COL19A1: variants seen among roughly 807,000 people sequenced by gnomAD.
The protein encoded by COL19A1 is collagen type XIX alpha 1 chain.
Under a neutral mutation model 190.2 loss-of-function variants are expected in COL19A1, and 159 were observed. That is an observed-to-expected ratio of 0.84 (90% CI 0.73 to 0.95). The LOEUF is 0.95. COL19A1 is among the 40% of genes least tolerant of loss of function. The pLI, the probability that COL19A1 is intolerant of heterozygous loss-of-function variation, is 0.00. For missense variants in COL19A1, 1,418 were observed against 1,431.9 expected, an observed-to-expected ratio of 0.99 and a Z score of 0.16; for synonymous variants, 509 against 458.9, an observed-to-expected ratio of 1.11 and a Z score of -1.39.
At chr6:70,127,986 A>G (rs1785303905) in intron 17 of COL19A1, among the ~76,000 whole-genome samples, 1 of 152,202 alleles carries the variant, frequency 6.6e-6, no homozygotes. Context: ...TTCCTGCTCA[A>G]TTTAACAAGA....
chr6:69,933,452 A>T (rs1174455753), intron 7 of COL19A1, among the ~76,000 whole-genome samples: 2 of 152,086 alleles, frequency 1.3e-5, no homozygotes, highest in African/African-American at 4.8e-5. Context: ...AGAAACACTG[A>T]CCTTCTAAAC....
chr6:70,167,267 A>T (rs543687427), intron 37 of COL19A1, among the ~76,000 whole-genome samples: 1 of 152,238 alleles, frequency 6.6e-6, no homozygotes, highest in African/African-American at 2.4e-5. Context: ...TGCAACTGAT[A>T]TGTGAAAACT....
At chr6:70,007,319 A>G (rs1211786321) in intron 11 of COL19A1, among the ~76,000 whole-genome samples, 1 of 152,102 alleles carries the variant, frequency 6.6e-6, no homozygotes, top group Non-Finnish European at 1.5e-5. Context: ...ATCCAACTAT[A>G]TACTATCTAC....
intron 14 of COL19A1, among the ~76,000 whole-genome samples, chr6:70,047,080 T>A (rs1779957815): frequency 6.6e-6 from 1 of 152,064 alleles, no homozygotes; most frequent in Non-Finnish European, 1.5e-5. Flanking sequence ...ACGTATTGAG[T>A]TGCAGTAATG....
At chr6:69,900,446 C>A in intron 4 of COL19A1, 108 bp downstream of exon 4, 1 of 555,046 alleles carries the variant, frequency 1.8e-6, no homozygotes, top group Non-Finnish European at 3.0e-6. Context: ...TAGCATCATC[C>A]TCACTGGAAT....
intron 2 of COL19A1, chr6:69,890,194 T>TAGTGAC (rs1769250296): frequency 2.0e-5 from 3 of 152,008 alleles, no homozygotes; most frequent in African/African-American, 7.3e-5. Context: ...ATAGGATTTA[T>TAGTGAC]ATGTCAGTCA....
intron 4 of COL19A1, among the ~76,000 whole-genome samples, chr6:69,903,412 G>C (rs1360903687): frequency 6.6e-6 from 1 of 152,080 alleles, no homozygotes. Flanking sequence ...GCTGCAAGTA[G>C]GGGCCCCACT....
At chr6:70,055,448 A>G (rs909367617) in intron 14 of COL19A1, among the ~76,000 whole-genome samples, 8 of 152,098 alleles carry the variant, frequency 5.3e-5, no homozygotes, top group African/African-American at 1.9e-4. Flanking sequence ...TGAATGGTTA[A>G]TAAAGTTATA....
At chr6:70,144,870 A>T (rs1786512308) in intron 24 of COL19A1, 48 bp from the exon 25 acceptor site, 1 of 1,224,966 alleles carries the variant, frequency 8.2e-7, no homozygotes, top group African/African-American at 1.5e-5. Context: ...CTCACTTCCC[A>T]CCATGAACCT....
chr6:70,177,100 G>T (rs150182517), intron 42 of COL19A1, among the ~76,000 whole-genome samples: 168 of 152,056 alleles, frequency 1.1e-3, no homozygotes, highest in African/African-American at 3.8e-3. Context: ...TCTCATCAAG[G>T]CCTTTTCAAA....
intron 39 of COL19A1, 71 bp from the exon 40 acceptor site, chr6:70,168,584 C>A (rs1765310099): frequency 2.7e-6 from 4 of 1,504,060 alleles, no homozygotes; most frequent in African/African-American, 1.4e-5. Flanking sequence ...GCAAATTGGA[C>A]AACAGTGTTT....
chr6:70,023,506 C>T (rs1012239970), intron 11 of COL19A1, 121 bp from the exon 12 acceptor site: 12 of 738,524 alleles, frequency 1.6e-5, no homozygotes, highest in Non-Finnish European at 2.1e-5. Context: ...ATAAACGTGC[C>T]TTTCAAGGGT....
intron 15 of COL19A1, among the ~76,000 whole-genome samples, chr6:70,085,685 T>A (rs1782540701): frequency 1.3e-5 from 2 of 152,208 alleles, no homozygotes; most frequent in Admixed American, 6.5e-5. Flanking sequence ...TTCCTTGATG[T>A]TATGGAATAT....
chr6:69,947,979 T>C (rs750120325), intron 9 of COL19A1, among the ~76,000 whole-genome samples: 53 of 151,852 alleles, frequency 3.5e-4, no homozygotes, highest in Non-Finnish European at 7.1e-4. Flanking sequence ...TTGACGATTC[T>C]TCATCATAAA....
intron 17 of COL19A1, among the ~76,000 whole-genome samples, chr6:70,125,572 G>T (rs1785146874): frequency 6.6e-6 from 1 of 151,728 alleles, no homozygotes; most frequent in Non-Finnish European, 1.5e-5. Context: ...AATCCAAAAA[G>T]GGATGGAGAA....
intron 11 of COL19A1, among the ~76,000 whole-genome samples, chr6:69,978,235 A>T (rs1775835104): frequency 6.6e-6 from 1 of 152,210 alleles, no homozygotes; most frequent in African/African-American, 2.4e-5. Flanking sequence ...ATACATATAG[A>T]TACATATACA....
At chr6:69,969,183 TC>T (rs1238341935) in intron 11 of COL19A1, among the ~76,000 whole-genome samples, 1 of 152,176 alleles carries the variant, frequency 6.6e-6, no homozygotes, top group Non-Finnish European at 1.5e-5. Flanking sequence ...TAATATAAAA[TC>T]TTAATATTTT....
chr6:69,980,176 A>G (rs533603714), intron 11 of COL19A1, among the ~76,000 whole-genome samples: 1 of 152,200 alleles, frequency 6.6e-6, no homozygotes, highest in Admixed American at 6.5e-5. Context: ...AGACATCATA[A>G]CATTCTATAA....
chr6:70,064,704 A>T (rs919103418), intron 14 of COL19A1, among the ~76,000 whole-genome samples: 1 of 152,224 alleles, frequency 6.6e-6, no homozygotes. Context: ...TTGTATATCT[A>T]GAAAACCCCA....
Sources: gnomAD v4.1 joint callset for allele counts (sites outside exome capture counted in the v4.1 genomes callset) on GRCh38, gnomAD v4.1.1 for gene constraint, MANE v1.5 for transcripts, NCBI Gene and HGNC (gene_info 2026-07-23, HGNC 2026-07-21) for gene names.